The following KLHL1 variants were observed in gnomAD, a reference collection of about 807,000 sequenced individuals.
The protein encoded by KLHL1 is kelch-like protein 1.
KLHL1 carries 47 observed loss-of-function variants against 77.7 expected under a neutral mutation model. The observed-to-expected ratio is 0.60, with a 90% CI of 0.48 to 0.77. The LOEUF is 0.77. Among genes scored for constraint, KLHL1 ranks in the 30% least tolerant of loss-of-function variants. The pLI is 0.00. For synonymous variants in KLHL1, 360 were observed against 325.2 expected (o/e 1.11, Z -1.15); for missense variants, 925 against 910.8 (o/e 1.02, Z -0.20).
chr13:70,072,279 A>C (rs1046678481), intron 1 of KLHL1, among the ~76,000 whole-genome samples: 1 of 152,176 alleles, frequency 6.6e-6, no homozygotes, highest in African/African-American at 2.4e-5. Context: ...GTTTTTAAAT[A>C]AATTGAATAA....
intron 7 of KLHL1, among the ~76,000 whole-genome samples, chr13:69,749,466 T>G (rs1478167134): frequency 6.6e-6 from 1 of 152,008 alleles, no homozygotes; most frequent in Non-Finnish European, 1.5e-5. Flanking sequence ...ATTTATAATT[T>G]TTGGACTGTA....
At chr13:69,970,032 T>C in intron 2 of KLHL1, among the ~76,000 whole-genome samples, 1 of 152,182 alleles carries the variant, frequency 6.6e-6, no homozygotes, top group East Asian at 1.9e-4. Flanking sequence ...TGTGCAGACT[T>C]CTTATCCCAG....
At chr13:69,899,705 G>A (rs948013167) in intron 4 of KLHL1, among the ~76,000 whole-genome samples, 1 of 152,028 alleles carries the variant, frequency 6.6e-6, no homozygotes, top group Non-Finnish European at 1.5e-5. Flanking sequence ...TTGAGATGCC[G>A]GAAAGGAACA....
intron 1 of KLHL1, among the ~76,000 whole-genome samples, chr13:70,075,788 T>A (rs659582): frequency 0.29 from 42,750 of 146,174 alleles, 7,254 homozygotes; most frequent in South Asian, 0.45. Flanking sequence ...TATATGTATA[T>A]ATATATGTTG....
At chr13:69,971,164 C>T (rs997855029) in intron 2 of KLHL1, among the ~76,000 whole-genome samples, 2 of 151,980 alleles carry the variant, frequency 1.3e-5, no homozygotes, top group Non-Finnish European at 2.9e-5. Flanking sequence ...AAATTTTTTC[C>T]ATGCCTCCGT....
chr13:69,855,318 AG>A (rs1879848563), intron 5 of KLHL1, among the ~76,000 whole-genome samples: 2 of 137,448 alleles, frequency 1.5e-5, no homozygotes, highest in Admixed American at 7.4e-5. Flanking sequence ...ATAGATAGAT[AG>A]ATAGATAGAT....
intron 1 of KLHL1, among the ~76,000 whole-genome samples, chr13:70,068,346 CAAA>C (rs1448753426): frequency 1.8e-4 from 11 of 62,116 alleles, no homozygotes; most frequent in Non-Finnish European, 3.3e-4. Flanking sequence ...GTCTCAAAAA[CAAA>C]AACAAAAACA....
chr13:69,981,981 A>T (rs531609860), intron 1 of KLHL1, among the ~76,000 whole-genome samples: 139 of 152,104 alleles, frequency 9.1e-4, no homozygotes, highest in African/African-American at 3.2e-3. Context: ...GTGAATAGTG[A>T]CATAAAAAGT....
At chr13:69,805,509 A>C (rs554581534) in intron 6 of KLHL1, among the ~76,000 whole-genome samples, 1 of 152,040 alleles carries the variant, frequency 6.6e-6, no homozygotes, top group African/African-American at 2.4e-5. Flanking sequence ...GAAAAAATAA[A>C]ACACTTCTGG....
chr13:69,975,077 A>G (rs928353933), intron 2 of KLHL1, among the ~76,000 whole-genome samples: 11 of 152,042 alleles, frequency 7.2e-5, no homozygotes, highest in African/African-American at 1.9e-4. Flanking sequence ...AATCATTTTA[A>G]TGAATAAAAC....
At chr13:69,831,683 T>C (rs75147182) in intron 6 of KLHL1, among the ~76,000 whole-genome samples, 6,537 of 149,576 alleles carry the variant, frequency 0.044, 925 homozygotes, top group African/African-American at 0.15. Flanking sequence ...AATACACATA[T>C]ATGCAAAAAT....
intron 1 of KLHL1, among the ~76,000 whole-genome samples, chr13:70,024,006 G>C (rs1885869379): frequency 6.6e-6 from 1 of 151,730 alleles, no homozygotes; most frequent in Non-Finnish European, 1.5e-5. Flanking sequence ...CTTGATGTCT[G>C]TCAAAAATGT....
chr13:70,063,636 C>G (rs1272270094), intron 1 of KLHL1, among the ~76,000 whole-genome samples: 1 of 151,788 alleles, frequency 6.6e-6, no homozygotes, highest in Non-Finnish European at 1.5e-5. Flanking sequence ...TTTTACAATG[C>G]ATTAATCTCA....
intron 9 of KLHL1, among the ~76,000 whole-genome samples, chr13:69,709,108 G>A (rs1340191109): frequency 2.6e-5 from 4 of 151,898 alleles, no homozygotes; most frequent in African/African-American, 4.8e-5. Context: ...GGCGCTGGTC[G>A]AATGCTAGAA....
intron 1 of KLHL1, among the ~76,000 whole-genome samples, chr13:70,044,696 G>GTTGGTATTA (rs1262191267): frequency 2.2e-4 from 33 of 152,228 alleles, no homozygotes; most frequent in African/African-American, 7.9e-4. Flanking sequence ...AAATGAAATT[G>GTTGGTATTA]TTGGTATTAT....
intron 5 of KLHL1, among the ~76,000 whole-genome samples, chr13:69,868,388 T>C (rs1313371447): frequency 6.6e-6 from 1 of 151,888 alleles, no homozygotes; most frequent in Non-Finnish European, 1.5e-5. Flanking sequence ...AAAGACAATA[T>C]TTGTTAGAGA....
chr13:69,737,481 A>G (rs1873810174), intron 8 of KLHL1, among the ~76,000 whole-genome samples: 1 of 152,238 alleles, frequency 6.6e-6, no homozygotes, highest in Non-Finnish European at 1.5e-5. Context: ...CTGCCTAAGA[A>G]GATGGGTTCC....
At chr13:69,995,467 TCTCC>T (rs2137318504) in intron 1 of KLHL1, among the ~76,000 whole-genome samples, 1 of 152,244 alleles carries the variant, frequency 6.6e-6, no homozygotes, top group African/African-American at 2.4e-5. Flanking sequence ...TTATGCTCTC[TCTCC>T]AAGTTATTTT....
chr13:70,082,062 C>A (rs963949269), intron 1 of KLHL1, among the ~76,000 whole-genome samples: 3 of 151,974 alleles, frequency 2.0e-5, no homozygotes, highest in Non-Finnish European at 4.4e-5. Flanking sequence ...AGCACTTCCC[C>A]CTTTGCTCTC....
Sources: gnomAD v4.1 joint callset for allele counts (sites outside exome capture counted in the v4.1 genomes callset) on GRCh38, gnomAD v4.1.1 for gene constraint, MANE v1.5 for transcripts, NCBI Gene and HGNC (gene_info 2026-07-23, HGNC 2026-07-21) for gene names.